PLEKHA5: variants seen among roughly 807,000 people sequenced by gnomAD.
The protein encoded by PLEKHA5 is pleckstrin homology domain containing A5, also known as pleckstrin homology domain-containing family A member 5.
Under a neutral mutation model 181.9 loss-of-function variants are expected in PLEKHA5, and 55 were observed. The ratio of observed to expected loss-of-function variants is 0.30; its 90% confidence interval spans 0.24 to 0.38. The LOEUF is 0.38. PLEKHA5 is among the 10% of genes least tolerant of loss of function. The probability of loss-of-function intolerance (pLI) is 1.00; values close to 1 mark genes in which losing one functional copy is unlikely to be tolerated. For synonymous variants in PLEKHA5, 535 were observed against 529.4 expected, an observed-to-expected ratio of 1.01 and a Z score of -0.15; for missense variants, 1,432 against 1,549.5, an observed-to-expected ratio of 0.92 and a Z score of 1.27.
intron 3 of PLEKHA5, among the ~76,000 whole-genome samples, chr12:19,172,903 G>A (rs2046243475): frequency 6.9e-6 from 1 of 145,346 alleles, no homozygotes; most frequent in South Asian, 2.3e-4. Flanking sequence ...TAGTGGTGGT[G>A]ATCATTCTCC....
intron 3 of PLEKHA5, among the ~76,000 whole-genome samples, chr12:19,206,581 G>A (rs1013182968): frequency 3.3e-5 from 5 of 152,024 alleles, no homozygotes; most frequent in African/African-American, 1.2e-4. Context: ...TGATGTGGGG[G>A]GTGGGAACGA....
chr12:19,356,900 C>T (rs1164346042), intron 26 of PLEKHA5, among the ~76,000 whole-genome samples: 1 of 151,924 alleles, frequency 6.6e-6, no homozygotes, highest in African/African-American at 2.4e-5. Context: ...ACCTCGTGAT[C>T]TGCCTGCCTC....
intron 25 of PLEKHA5, among the ~76,000 whole-genome samples, chr12:19,352,979 G>A (rs1413484946): frequency 6.8e-6 from 1 of 148,018 alleles, no homozygotes; most frequent in Admixed American, 6.8e-5. Flanking sequence ...TTGGAGACAG[G>A]GTCTCACTAT....
chr12:19,130,022 C>G lies in PLEKHA5; in HGVS notation c.90-29C>G, dbSNP rs1448210571. The G allele has an allele frequency of 3.9e-6, 6 of 1,546,596 alleles. No homozygotes were observed. The highest frequency in any genetic ancestry group is 4.8e-5 in the East Asian group (2 of 41,334). Reference sequence around the variant, plus strand: ...CGCCCCCGCGTCCCCTCTCACGCTCCGTGTCTGCCCCTTCTCTCACCCCTG... The same window carrying G: ...CGCCCCCGCGTCCCCTCTCACGCTCGGTGTCTGCCCCTTCTCTCACCCCTG... On this transcript the variant is annotated intron_variant, in intron 1 of 31. Coordinates refer to ENST00000429027, the MANE Select transcript of PLEKHA5 (RefSeq NM_001256470.2). The surrounding 1 kb of genome is among the most constrained non-coding windows in gnomAD (Gnocchi z 4.5).
At chr12:19,228,937 A>G (rs2060057005) in intron 3 of PLEKHA5, among the ~76,000 whole-genome samples, 1 of 152,216 alleles carries the variant, frequency 6.6e-6, no homozygotes, top group Non-Finnish European at 1.5e-5. Context: ...AGTATGTGTA[A>G]CATTTTCAAT....
intron 3 of PLEKHA5, among the ~76,000 whole-genome samples, chr12:19,177,795 A>G (rs1186319178): frequency 6.6e-6 from 1 of 152,180 alleles, no homozygotes; most frequent in Non-Finnish European, 1.5e-5. Context: ...TGCATTTTTA[A>G]TTCTACGGAT....
At chr12:19,209,110 T>G (rs1400685207) in intron 3 of PLEKHA5, among the ~76,000 whole-genome samples, 1 of 152,148 alleles carries the variant, frequency 6.6e-6, no homozygotes, top group Non-Finnish European at 1.5e-5. Flanking sequence ...GGACCTAGTT[T>G]GAGGCACTAA....
At chr12:19,263,734 G>A (rs180744138) in intron 7 of PLEKHA5, among the ~76,000 whole-genome samples, 1 of 152,250 alleles carries the variant, frequency 6.6e-6, no homozygotes, top group Non-Finnish European at 1.5e-5. Flanking sequence ...AGCAAATTTT[G>A]TGATGGAGAT....
At chr12:19,163,552 G>A (rs1018088420) in intron 3 of PLEKHA5, among the ~76,000 whole-genome samples, 3 of 152,060 alleles carry the variant, frequency 2.0e-5, no homozygotes, top group Non-Finnish European at 4.4e-5. Context: ...CTGAGATGAA[G>A]GTTATGTACC....
At position 19,365,959 on chromosome 12, in the gene PLEKHA5, A is replaced by C. The variant is rs1481736647; in HGVS notation, c.3609-5A>C. ...AATTTTTAAATACCAATCTATTTTC[A>C]TCAGCCCTCAAGATGAAACACAGAC... On this transcript the variant is annotated splice_polypyrimidine_tract_variant and splice_region_variant and intron_variant, in intron 29 of 31. Transcript: ENST00000429027. 1 of 1,586,278 alleles carries C rather than the reference A, an allele frequency of 6.3e-7. No individual in the cohort carries two copies. Among genetic ancestry groups the C allele is most frequent in the Non-Finnish European group, 8.5e-7 (1 of 1,172,276 alleles).
At chr12:19,204,715 GAA>G (rs1289950995) in intron 3 of PLEKHA5, among the ~76,000 whole-genome samples, 1 of 152,048 alleles carries the variant, frequency 6.6e-6, no homozygotes, top group East Asian at 1.9e-4. Flanking sequence ...CAACAGATAA[GAA>G]AAATCCTATC....
At chr12:19,183,327 C>T (rs1335813812) in intron 3 of PLEKHA5, among the ~76,000 whole-genome samples, 5 of 152,148 alleles carry the variant, frequency 3.3e-5, no homozygotes, top group Admixed American at 3.3e-4. Flanking sequence ...ACCTTAGTTT[C>T]CTCTGAGTGC....
At chr12:19,348,028 G>A (rs746209406) in intron 24 of PLEKHA5, among the ~76,000 whole-genome samples, 3 of 151,706 alleles carry the variant, frequency 2.0e-5, no homozygotes, top group African/African-American at 7.3e-5. Context: ...GATTATAGGC[G>A]CACACCACCA....
rs756979149 is a variant in PLEKHA5, at chr12:19,353,934, C to G, written c.3070C>G (p.Pro1024Ala). 6.2e-7 allele frequency: 1 copy of G among 1,611,732 alleles called. No individual in the cohort carries two copies. ...CCCTCCAAGAGCAAAATCACCAACA[C>G]CCGAATCTTCGACAATAGCTTCCTA... is the stretch of plus-strand genomic sequence containing the variant. ...VVPPRAKSPT[P>A]ESSTIASYVT... The change falls in exon 26 of 32, where the codon CCC (proline) becomes GCC (alanine). Residue 1024 changes from proline to alanine, a missense_variant. Pro to Ala is a conservative substitution (Grantham distance 27). This residue lies in a region of PLEKHA5 where 1,143 missense variants were observed against 1,168.4 expected (regional missense o/e 0.98). Coordinates refer to ENST00000429027, the MANE Select transcript of PLEKHA5 (RefSeq NM_001256470.2).
chr12:19,310,375 C>T lies in PLEKHA5; in HGVS notation c.2038-4439C>T, dbSNP rs1032079277. Among the ~76,000 whole-genome samples, 5 of 151,848 alleles carry T rather than the reference C, an allele frequency of 3.3e-5. No individual in the cohort carries two copies. The South Asian group carries it at 6.2e-4, about 19-fold the overall frequency. On this transcript the variant is annotated intron_variant, in intron 15 of 31. Transcript: ENST00000429027. Reference sequence around the variant, plus strand: ...CTGTAATCCCAGCACTTTGGGAGGCCGAGGCAGGTGAATCATCTTAGGTCA... The same window carrying T: ...CTGTAATCCCAGCACTTTGGGAGGCTGAGGCAGGTGAATCATCTTAGGTCA...
intron 6 of PLEKHA5, among the ~76,000 whole-genome samples, chr12:19,259,186 A>C (rs2067671546): frequency 6.6e-6 from 1 of 151,480 alleles, no homozygotes; most frequent in Non-Finnish European, 1.5e-5. Flanking sequence ...GTGAGACCTC[A>C]TCTCTACTTT....
At chr12:19,343,277 G>A in intron 21 of PLEKHA5, 46 bp from the exon 22 acceptor site, 1 of 1,084,636 alleles carries the variant, frequency 9.2e-7, no homozygotes, top group Non-Finnish European at 1.4e-6. Flanking sequence ...TAACTTCAGT[G>A]AATGATTTTT....
At position 19,290,745 on chromosome 12, in the gene PLEKHA5, G is replaced by A. The variant is rs1035019581; in HGVS notation, c.1932G>A (p.Glu644=). 5 of 1,535,988 alleles carry A rather than the reference G, an allele frequency of 3.3e-6. No homozygotes were observed. In the African/African-American group the frequency reaches 6.8e-5, roughly 21 times the overall value. ...AAGCCGAACTGAGTAGTATCCGGGA[G>A]CATACGTTAGCACAGCTCATGCAGC... ...RQQAELSSIR[E]HTLAQLMQLK... The change falls in exon 14 of 32, where the codon GAG becomes GAA. Residue 644 remains glutamate, a synonymous_variant. Transcript: ENST00000429027.
intron 3 of PLEKHA5, among the ~76,000 whole-genome samples, chr12:19,234,223 A>C (rs1447814871): frequency 6.6e-6 from 1 of 152,198 alleles, no homozygotes; most frequent in East Asian, 1.9e-4. Flanking sequence ...CAGTTTGTTA[A>C]GCCTTTTCCA....
Sources: allele counts gnomAD v4.1 joint callset (sites outside exome capture counted in the v4.1 genomes callset), GRCh38; gene constraint gnomAD v4.1.1; regional missense constraint gnomAD v4.1.1; non-coding constraint Gnocchi (gnomAD v3.1); transcripts MANE v1.5; gene names NCBI Gene and HGNC (gene_info 2026-07-23, HGNC 2026-07-21).